MAML2: variants seen among roughly 807,000 people sequenced by gnomAD.
The protein encoded by MAML2 is mastermind-like protein 2.
In MAML2, 22 loss-of-function variants were observed where a neutral mutation model predicts 96.1. That is an observed-to-expected ratio of 0.23 (90% confidence interval 0.16 to 0.33). The LOEUF (loss-of-function observed/expected upper bound fraction) is 0.33, where lower values mean the gene tolerates loss of function less well. MAML2 is among the 10% of genes least tolerant of loss of function. The probability of loss-of-function intolerance (pLI) is 1.00; values close to 1 mark genes in which losing one functional copy is unlikely to be tolerated. For missense variants in MAML2, 1,367 were observed against 1,392.4 expected (o/e 0.98, Z 0.29); for synonymous variants, 561 against 521.3 (o/e 1.08, Z -1.04).
intron 1 of MAML2, among the ~76,000 whole-genome samples, chr11:96,257,412 T>C (rs566840006): frequency 2.6e-5 from 4 of 152,266 alleles, no homozygotes; most frequent in Non-Finnish European, 4.4e-5. Context: ...TGGCACAGAA[T>C]ATGAACTCAC....
chr11:96,299,044 CAA>C (rs71040142), intron 1 of MAML2, among the ~76,000 whole-genome samples: 14 of 80,780 alleles, frequency 1.7e-4, no homozygotes, highest in East Asian at 3.7e-4. Context: ...GAGTCCATCT[CAA>C]AAAAAAAAAA....
chr11:96,262,106 C>T (rs142272682), intron 1 of MAML2, among the ~76,000 whole-genome samples: 14 of 152,220 alleles, frequency 9.2e-5, no homozygotes, highest in South Asian at 2.1e-4. Flanking sequence ...CCCAGAAATC[C>T]GTATTTTTCA....
intron 2 of MAML2, among the ~76,000 whole-genome samples, chr11:96,006,563 C>T (rs201899927): frequency 7.8e-4 from 108 of 138,614 alleles, no homozygotes; most frequent in African/African-American, 1.8e-3. Context: ...TTTTTTTTTT[C>T]TTTTTTTTTT....
At chr11:96,145,313 C>T (rs1860799235) in intron 1 of MAML2, among the ~76,000 whole-genome samples, 1 of 152,168 alleles carries the variant, frequency 6.6e-6, no homozygotes, top group African/African-American at 2.4e-5. Context: ...TGTACCAACT[C>T]GTGGACAGTA....
intron 1 of MAML2, among the ~76,000 whole-genome samples, chr11:96,315,803 T>C (rs12285024): frequency 0.011 from 1,674 of 152,336 alleles, 26 homozygotes; most frequent in African/African-American, 0.037. Context: ...ACAGAGGAGC[T>C]GGCTGTGAGG....
At chr11:96,204,048 T>G (rs1861863221) in intron 1 of MAML2, among the ~76,000 whole-genome samples, 1 of 151,856 alleles carries the variant, frequency 6.6e-6, no homozygotes, top group South Asian at 2.1e-4. Flanking sequence ...ACTACAGAGA[T>G]GCTGTCAGCA....
intron 1 of MAML2, among the ~76,000 whole-genome samples, chr11:96,108,260 A>G (rs142739246): frequency 2.2e-4 from 33 of 152,320 alleles, no homozygotes; most frequent in African/African-American, 7.2e-4. Context: ...ATCACCACCA[A>G]ACTCCTGGTA....
chr11:96,181,311 A>G (rs1332717064), intron 1 of MAML2, among the ~76,000 whole-genome samples: 2 of 152,174 alleles, frequency 1.3e-5, no homozygotes, highest in African/African-American at 2.4e-5. Flanking sequence ...TGGTGACCCT[A>G]TAAGGCAGGA....
intron 2 of MAML2, among the ~76,000 whole-genome samples, chr11:96,032,586 CAAAA>C (rs59167571): frequency 3.3e-5 from 3 of 91,464 alleles, no homozygotes; most frequent in Non-Finnish European, 2.2e-5. Context: ...GAGTCTGTCT[CAAAA>C]AAAAAAAAAA....
intron 1 of MAML2, among the ~76,000 whole-genome samples, chr11:96,227,067 T>C (rs993632220): frequency 2.6e-5 from 4 of 152,090 alleles, no homozygotes; most frequent in Admixed American, 2.6e-4. Context: ...TGTCAAGCTG[T>C]CTCCTACCTC....
chr11:96,183,119 G>A (rs1015815085), intron 1 of MAML2, among the ~76,000 whole-genome samples: 2 of 151,714 alleles, frequency 1.3e-5, no homozygotes, highest in Non-Finnish European at 2.9e-5. Context: ...CACGACGCCT[G>A]GCTAATTTTT....
Position 96,065,169 on chromosome 11 carries a change from T to G in MAML2, c.2139+26723A>C, listed in dbSNP as rs188575801. Among the ~76,000 whole-genome samples the G allele has an allele frequency of 5.9e-5, 9 of 152,352 alleles. 1 individual carries two copies. The highest frequency in any genetic ancestry group is 5.9e-4 in the Admixed American group (9 of 15,302). On this transcript the variant is annotated intron_variant, in intron 2 of 4. Coordinates refer to ENST00000524717, the MANE Select transcript of MAML2 (RefSeq NM_032427.4). Reference sequence around the variant, plus strand: ...ATATATCTGATAGATTTTAAAATGCTTAATTACATTTTAAAAAGCTTCAAG... The same window carrying G: ...ATATATCTGATAGATTTTAAAATGCGTAATTACATTTTAAAAAGCTTCAAG...
chr11:96,306,555 AGACAAC>A (rs2136001624), intron 1 of MAML2, among the ~76,000 whole-genome samples: 2 of 152,360 alleles, frequency 1.3e-5, no homozygotes, highest in African/African-American at 4.8e-5. Flanking sequence ...CAGCATAGTT[AGACAAC>A]GACTGAACAT....
At chr11:96,000,117 T>C (rs902185966) in intron 2 of MAML2, among the ~76,000 whole-genome samples, 14 of 152,184 alleles carry the variant, frequency 9.2e-5, no homozygotes, top group African/African-American at 3.4e-4. Flanking sequence ...TGGTTGTGGG[T>C]GGCCAAAATA....
chr11:96,332,218 C>G (rs1262732636), intron 1 of MAML2, among the ~76,000 whole-genome samples: 1 of 152,170 alleles, frequency 6.6e-6, no homozygotes, highest in Non-Finnish European at 1.5e-5. Flanking sequence ...CCTGGTTAGA[C>G]AAAACAATTC....
At position 96,037,587 on chromosome 11, in the gene MAML2, T is replaced by A. The variant is rs1025795212; in HGVS notation, c.2140-45864A>T. ...AGAAGCTTAGATTGATACTATGACT[T>A]CTGAGTTTTGAGGCAATCACCAGTA... On this transcript the variant is annotated intron_variant, in intron 2 of 4. Coordinates refer to ENST00000524717, the MANE Select transcript of MAML2 (RefSeq NM_032427.4). Among the ~76,000 whole-genome samples the A allele has an allele frequency of 5.9e-5, 9 of 152,272 alleles. No homozygotes were observed. In the South Asian group the frequency reaches 1.0e-3, roughly 18 times the overall value.
At chr11:96,062,943 C>T (rs1321088943) in intron 2 of MAML2, among the ~76,000 whole-genome samples, 2 of 152,126 alleles carry the variant, frequency 1.3e-5, no homozygotes, top group Non-Finnish European at 2.9e-5. Flanking sequence ...GTTGCCAACC[C>T]CCCAACCTAA....
chr11:96,265,029 A>C, intron 1 of MAML2, among the ~76,000 whole-genome samples: 1 of 152,206 alleles, frequency 6.6e-6, no homozygotes, highest in East Asian at 1.9e-4. Context: ...TAACCTAAAG[A>C]AATCAAGGCA....
intron 1 of MAML2, among the ~76,000 whole-genome samples, chr11:96,210,674 A>G (rs1043851585): frequency 1.3e-5 from 2 of 152,176 alleles, no homozygotes. Flanking sequence ...GGGGGGATTA[A>G]ATTATGCATA....
Sources: gnomAD v4.1 joint callset for allele counts (sites outside exome capture counted in the v4.1 genomes callset) on GRCh38, gnomAD v4.1.1 for gene constraint, MANE v1.5 for transcripts, NCBI Gene and HGNC (gene_info 2026-07-23, HGNC 2026-07-21) for gene names.